Variants in PSMD1 observed in about 807,000 individuals in gnomAD.
PSMD1 encodes the protein 26S proteasome non-ATPase regulatory subunit 1.
PSMD1 carries 18 observed loss-of-function variants against 119.0 expected under a neutral mutation model. The observed-to-expected ratio is 0.15, with a 90% confidence interval of 0.10 to 0.22. The LOEUF is 0.22. Ranked by LOEUF, PSMD1 falls within the 10% of genes least tolerant of loss-of-function variation. The probability of loss-of-function intolerance (pLI) is 1.00; values close to 1 mark genes in which losing one functional copy is unlikely to be tolerated. For missense variants in PSMD1, 702 were observed against 1,158.5 expected (o/e 0.61, Z 5.72); for synonymous variants, 374 against 396.6 (o/e 0.94, Z 0.68).
chr2:231,061,378 T>C, intron 2 of PSMD1, 68 bp downstream of exon 2: 1 of 1,269,080 alleles, frequency 7.9e-7, no homozygotes, highest in Non-Finnish European at 1.1e-6. Context: ...TTTAGTGATA[T>C]CTGTAATCTT....
intron 16 of PSMD1, among the ~76,000 whole-genome samples, chr2:231,113,019 G>A (rs1195654121): frequency 4.6e-5 from 7 of 151,940 alleles, no homozygotes; most frequent in Non-Finnish European, 8.8e-5. Flanking sequence ...ACAAAAATTA[G>A]CCAGGCATGG....
chr2:231,162,079 G>A (rs573266973), intron 20 of PSMD1, among the ~76,000 whole-genome samples: 208 of 152,366 alleles, frequency 1.4e-3, no homozygotes, highest in Non-Finnish European at 2.5e-3. Context: ...ACTGTGAGGA[G>A]CTAGGGAATC....
rs1696887854 is a variant in PSMD1 at position 231,170,452 on chromosome 2, T to C, written c.2716-114T>C. ...CCCAGTAAAGTTCTACTCCAGTTTTTCACTTCCAAATCATTTAAGTAGTTT... is the reference window on the plus strand; with the variant it reads ...CCCAGTAAAGTTCTACTCCAGTTTTCCACTTCCAAATCATTTAAGTAGTTT... On this transcript the variant is annotated intron_variant, in intron 23 of 24. Coordinates refer to ENST00000308696, the MANE Select transcript of PSMD1 (RefSeq NM_002807.4). The surrounding 1 kb of genome is among the most constrained non-coding windows in gnomAD (Gnocchi z 4.1). 1 of 1,174,542 alleles carries C rather than the reference T, an allele frequency of 8.5e-7. No homozygotes were observed. The highest frequency in any genetic ancestry group is 1.6e-5 in the African/African-American group (1 of 64,194). 72.8% of individuals were successfully genotyped at this position (1,174,542 alleles called of 1,614,324 possible). A position where few individuals can be genotyped will look rare whatever the true frequency, so the allele number is the denominator to read the frequency against.
chr2:231,097,268 G>A (rs1256299613), intron 16 of PSMD1, among the ~76,000 whole-genome samples: 2 of 152,192 alleles, frequency 1.3e-5, no homozygotes, highest in African/African-American at 2.4e-5. Flanking sequence ...TTACGGCAGT[G>A]AGGGAAATAA....
chr2:231,075,843 A>G (rs1273619472), intron 8 of PSMD1, among the ~76,000 whole-genome samples: 1 of 152,182 alleles, frequency 6.6e-6, no homozygotes, highest in African/African-American at 2.4e-5. Context: ...TTGGCCTCCC[A>G]GAGTGCTGGG....
At chr2:231,119,510 T>C (rs1199178973) in intron 16 of PSMD1, among the ~76,000 whole-genome samples, 2 of 152,266 alleles carry the variant, frequency 1.3e-5, no homozygotes, top group Non-Finnish European at 1.5e-5. Flanking sequence ...CTTTCAGCCA[T>C]TTTATATACT....
chr2:231,059,541 G>T (rs1693704472), intron 1 of PSMD1, among the ~76,000 whole-genome samples: 1 of 152,128 alleles, frequency 6.6e-6, no homozygotes, highest in Non-Finnish European at 1.5e-5. Flanking sequence ...AATTGAGTGG[G>T]TTGGTGTTTT....
At position 231,104,713 on chromosome 2, in the gene PSMD1, A is replaced by G. The variant is rs1203207544; in HGVS notation, c.1883+17532A>G. On this transcript the variant is annotated intron_variant, in intron 16 of 24. Coordinates refer to ENST00000308696, the MANE Select transcript of PSMD1 (RefSeq NM_002807.4). ...AATACTGAGATTCTAAACAGGCTTC[A>G]TGATAGACCAGTGCTTTCTCCACCT... is the stretch of plus-strand genomic sequence containing the variant. Among the ~76,000 whole-genome samples the G allele has an allele frequency of 2.6e-5, 4 of 152,176 alleles. No homozygotes were observed. The East Asian group carries it at 7.7e-4, about 29-fold the overall frequency.
intron 19 of PSMD1, among the ~76,000 whole-genome samples, chr2:231,157,659 C>T (rs112044628): frequency 1.3e-5 from 2 of 151,902 alleles, no homozygotes; most frequent in African/African-American, 4.8e-5. Flanking sequence ...CTCCACCTCC[C>T]GGGTTCAAGC....
chr2:231,136,041 T>C (rs1368324811), intron 16 of PSMD1, among the ~76,000 whole-genome samples: 1 of 152,222 alleles, frequency 6.6e-6, no homozygotes, highest in East Asian at 1.9e-4. Context: ...CATAGAATTA[T>C]AGATTTGAGT....
intron 24 of PSMD1, among the ~76,000 whole-genome samples, chr2:231,171,883 A>G (rs374211852): frequency 1.8e-4 from 27 of 152,246 alleles, no homozygotes; most frequent in African/African-American, 6.3e-4. Context: ...AAAAAAAATA[A>G]GGACAGTATC....
intron 18 of PSMD1, among the ~76,000 whole-genome samples, chr2:231,151,402 C>A (rs962248854): frequency 3.3e-5 from 5 of 152,070 alleles, no homozygotes; most frequent in African/African-American, 1.2e-4. Context: ...CAAAATAATT[C>A]TTTACCAAGA....
At chr2:231,085,504 C>A (rs957494962) in intron 15 of PSMD1, among the ~76,000 whole-genome samples, 2 of 152,180 alleles carry the variant, frequency 1.3e-5, no homozygotes, top group Non-Finnish European at 2.9e-5. Flanking sequence ...CTTCCACATA[C>A]CCCTAATGGG....
At position 231,128,893 on chromosome 2, in the gene PSMD1, A is replaced by G. The variant is rs1463351419; in HGVS notation, c.1884-9843A>G. 3.3e-5 allele frequency among the ~76,000 whole-genome samples: 5 copies of G among 152,156 alleles called. No individual in the cohort carries two copies. In the South Asian group the frequency reaches 8.3e-4, roughly 25 times the overall value. On this transcript the variant is annotated intron_variant, in intron 16 of 24. Coordinates refer to ENST00000308696, the MANE Select transcript of PSMD1 (RefSeq NM_002807.4). ...TCCTGTGTAAAAGTTGATCTAGACA[A>G]TTTTTGCCAGGTTATTGCCAGAACA...
intron 16 of PSMD1, among the ~76,000 whole-genome samples, chr2:231,133,228 A>G (rs1272975155): frequency 6.6e-6 from 1 of 152,072 alleles, no homozygotes; most frequent in Non-Finnish European, 1.5e-5. Flanking sequence ...GAGACCACAG[A>G]TGCGCGCCAC....
chr2:231,064,463 A>G (rs569492524), intron 4 of PSMD1, among the ~76,000 whole-genome samples: 40 of 152,338 alleles, frequency 2.6e-4, no homozygotes, highest in African/African-American at 4.1e-4. Context: ...AACCTGGGAC[A>G]TACATTTTTC....
chr2:231,153,437 ATCCCT>A lies in PSMD1; in HGVS notation c.2116-126_2116-122del, dbSNP rs1234106406. The A allele has an allele frequency of 3.0e-5, 21 of 708,376 alleles. No homozygotes were observed. The Admixed American group carries it at 5.4e-4, about 18-fold the overall frequency. 43.9% of individuals were successfully genotyped at this position (708,376 alleles called of 1,614,324 possible). On this transcript the variant is annotated intron_variant, in intron 18 of 24. Coordinates refer to ENST00000308696, the MANE Select transcript of PSMD1 (RefSeq NM_002807.4). ...TGCTCTGCCTTCAAGTCTGGTCCAT[ATCCCT>A]CTCTTGAGCATTACGAAACTCAGAA...
Position 231,108,740 on chromosome 2 carries a change from A to G in PSMD1, c.1883+21559A>G, listed in dbSNP as rs371486283. The G allele has an allele frequency of 1.9e-6, 3 of 1,614,008 alleles. No individual in the cohort carries two copies. The African/African-American group carries it at 4.0e-5, about 22-fold the overall frequency. ...GTAGATCTTACTGGAGCGTTTTCTGAGAGTTTTTACTGACTTTGTGGCCCG... is the reference window on the plus strand; with the variant it reads ...GTAGATCTTACTGGAGCGTTTTCTGGGAGTTTTTACTGACTTTGTGGCCCG... On this transcript the variant is annotated intron_variant, in intron 16 of 24. Transcript: ENST00000308696.
At chr2:231,157,772 G>T (rs1696545376) in intron 19 of PSMD1, among the ~76,000 whole-genome samples, 2 of 151,696 alleles carry the variant, frequency 1.3e-5, no homozygotes, top group African/African-American at 4.8e-5. Context: ...TCACCGTGTT[G>T]CCTAGGCTGG....
Sources: gnomAD v4.1 joint callset for allele counts (sites outside exome capture counted in the v4.1 genomes callset) on GRCh38, gnomAD v4.1.1 for gene constraint, Gnocchi (gnomAD v3.1) non-coding constraint, MANE v1.5 for transcripts, NCBI Gene and HGNC (gene_info 2026-07-23, HGNC 2026-07-21) for gene names.